The following WDFY4 variants were observed in gnomAD, a reference collection of about 807,000 sequenced individuals.
WDFY4 encodes WD repeat- and FYVE domain-containing protein 4.
A neutral mutation model predicts 351.9 loss-of-function variants in WDFY4; 169 were observed. The ratio of observed to expected loss-of-function variants is 0.48; its 90% CI spans 0.42 to 0.55. WDFY4 has a LOEUF of 0.55. Ranked by LOEUF, WDFY4 falls within the 20% of genes least tolerant of loss-of-function variation. The pLI is 0.00. For synonymous variants in WDFY4, 1,622 were observed against 1,574.6 expected, an observed-to-expected ratio of 1.03 and a Z score of -0.71; for missense variants, 3,803 against 3,935.6, an observed-to-expected ratio of 0.97 and a Z score of 0.90.
At chr10:48,882,576 C>T (rs2070297311) in intron 43 of WDFY4, among the ~76,000 whole-genome samples, 3 of 152,046 alleles carry the variant, frequency 2.0e-5, no homozygotes, top group African/African-American at 7.3e-5. Flanking sequence ...GCAGGGTGTA[C>T]ACAAAACGTG....
In WDFY4 at chr10:48,805,441, AG is replaced by A; in HGVS notation, c.4646+25del. 1 of 1,545,338 alleles carries A rather than the reference AG, an allele frequency of 6.5e-7. No individual in the cohort carries two copies. ...GCTCAGGTACCACACCAAGCTGCCCAGGGGGAAGAGCAGGGCCCCAGGGCTG... is the reference window on the plus strand; with the variant it reads ...GCTCAGGTACCACACCAAGCTGCCCAGGGGAAGAGCAGGGCCCCAGGGCTG... On this transcript the variant is annotated intron_variant, in intron 26 of 61. Coordinates refer to ENST00000325239, the MANE Select transcript of WDFY4 (RefSeq NM_001394531.1).
At chr10:48,959,213 A>T (rs1193144143) in intron 52 of WDFY4, among the ~76,000 whole-genome samples, 1 of 152,208 alleles carries the variant, frequency 6.6e-6, no homozygotes, top group African/African-American at 2.4e-5. Context: ...TCTCTGTCTA[A>T]AAACCTTGCT....
intron 48 of WDFY4, among the ~76,000 whole-genome samples, 193 bp downstream of exon 48, chr10:48,942,041 G>A (rs1431682872): frequency 1.3e-5 from 2 of 152,028 alleles, no homozygotes; most frequent in African/African-American, 2.4e-5. Context: ...CTCAGCTCAC[G>A]GCAACCTCTG....
chr10:48,721,209 G>C (rs1218038810), intron 3 of WDFY4, 52 bp from the exon 4 acceptor site: 1 of 1,516,924 alleles, frequency 6.6e-7, no homozygotes, highest in African/African-American at 1.4e-5. Flanking sequence ...GGATGGAGGG[G>C]AAGCTGAGTG....
At chr10:48,931,077 G>A (rs1338735486) in intron 47 of WDFY4, among the ~76,000 whole-genome samples, 1 of 128,532 alleles carries the variant, frequency 7.8e-6, no homozygotes, top group Non-Finnish European at 1.6e-5. Flanking sequence ...AAACACACAT[G>A]CATGCACACT....
chr10:48,822,250 A>C, intron 34 of WDFY4, 130 bp from the exon 35 acceptor site: 2 of 1,023,984 alleles, frequency 2.0e-6, no homozygotes, highest in Non-Finnish European at 1.3e-6. Context: ...TCAGTACAAG[A>C]CTCCATCTTT....
intron 24 of WDFY4, among the ~76,000 whole-genome samples, chr10:48,800,703 TTTCTTTCTTTCTTTCTTTCATTCTTTC>T (rs2067046385): frequency 7.2e-6 from 1 of 139,694 alleles, no homozygotes; most frequent in Non-Finnish European, 1.5e-5. Context: ...TCTTTCTTTC[TTTCTTTCTTTCTTTCTTTCATTCTTTC>T]TTTTTTTTTT....
intron 11 of WDFY4, among the ~76,000 whole-genome samples, chr10:48,738,661 C>T (rs1030293464): frequency 5.3e-5 from 8 of 152,348 alleles, no homozygotes; most frequent in Admixed American, 4.6e-4. Flanking sequence ...GTGAGATCTA[C>T]ATTTGTTTCT....
intron 46 of WDFY4, among the ~76,000 whole-genome samples, chr10:48,901,339 C>CA (rs1837342844): frequency 6.6e-6 from 1 of 152,222 alleles, no homozygotes; most frequent in Admixed American, 6.5e-5. Flanking sequence ...GTTCATTAAA[C>CA]AAAGTTTTTC....
intron 47 of WDFY4, among the ~76,000 whole-genome samples, chr10:48,918,264 G>T (rs752170345): frequency 3.3e-5 from 5 of 152,208 alleles, no homozygotes; most frequent in Non-Finnish European, 7.4e-5. Flanking sequence ...TGACCTACAT[G>T]CTCCAATTAA....
chr10:48,728,189 T>C (rs981808030), intron 7 of WDFY4, among the ~76,000 whole-genome samples: 1 of 152,220 alleles, frequency 6.6e-6, no homozygotes, highest in Non-Finnish European at 1.5e-5. Context: ...CCCTTCCCTG[T>C]CTCACGTGGC....
At chr10:48,847,757 G>A (rs1241876538) in intron 39 of WDFY4, among the ~76,000 whole-genome samples, 1 of 152,146 alleles carries the variant, frequency 6.6e-6, no homozygotes, top group Non-Finnish European at 1.5e-5. Context: ...TTTGTCTTTT[G>A]CTATACCAGT....
chr10:48,726,798 C>T (rs926434209), intron 6 of WDFY4, among the ~76,000 whole-genome samples: 4 of 152,250 alleles, frequency 2.6e-5, no homozygotes, highest in African/African-American at 9.6e-5. Flanking sequence ...CTCTGATCCA[C>T]TGGATTGGCT....
At chr10:48,828,695 A>T in intron 36 of WDFY4, 83 bp from the exon 37 acceptor site, 2 of 792,426 alleles carry the variant, frequency 2.5e-6, no homozygotes, top group Non-Finnish European at 3.9e-6. Flanking sequence ...TTGGAGGATG[A>T]TTATTTGTAA....
At chr10:48,799,905 G>T (rs11101496) in intron 24 of WDFY4, among the ~76,000 whole-genome samples, 9 of 151,026 alleles carry the variant, frequency 6.0e-5, no homozygotes, top group Admixed American at 4.0e-4. Flanking sequence ...GTTTTTTTTT[G>T]AGACAGAGTC....
intron 47 of WDFY4, among the ~76,000 whole-genome samples, chr10:48,905,197 G>A (rs1314533621): frequency 6.6e-6 from 1 of 152,112 alleles, no homozygotes; most frequent in Non-Finnish European, 1.5e-5. Context: ...GTGTTGCCTT[G>A]CCTGGAAACA....
At chr10:48,852,180 G>T (rs2068977448) in intron 39 of WDFY4, among the ~76,000 whole-genome samples, 1 of 152,128 alleles carries the variant, frequency 6.6e-6, no homozygotes, top group Non-Finnish European at 1.5e-5. Context: ...ACTTTCCAGG[G>T]CACAAAGGGC....
chr10:48,741,244 A>T (rs1292889078), intron 11 of WDFY4, among the ~76,000 whole-genome samples: 1 of 152,156 alleles, frequency 6.6e-6, no homozygotes, highest in Non-Finnish European at 1.5e-5. Context: ...ATATAACATT[A>T]GAGAATAAAA....
intron 51 of WDFY4, among the ~76,000 whole-genome samples, chr10:48,953,333 T>TCTCTCTCTCTCTCTCTCACACA (rs771339557): frequency 7.8e-6 from 1 of 128,130 alleles, no homozygotes; most frequent in African/African-American, 3.0e-5. Flanking sequence ...TCTCTCTCTC[T>TCTCTCTCTCTCTCTCTCACACA]CACACACACA....
Sources: allele counts gnomAD v4.1 joint callset (sites outside exome capture counted in the v4.1 genomes callset), GRCh38; gene constraint gnomAD v4.1.1; transcripts MANE v1.5; gene names NCBI Gene and HGNC (gene_info 2026-07-23, HGNC 2026-07-21).